The following TENM1 variants were observed in gnomAD, a reference collection of about 807,000 sequenced individuals.
The protein encoded by TENM1 is teneurin transmembrane protein 1, also known as teneurin-1.
Under a neutral mutation model 174.8 loss-of-function variants are expected in TENM1, and 35 were observed. That is an observed-to-expected ratio of 0.20 (90% CI 0.15 to 0.27). The LOEUF (loss-of-function observed/expected upper bound fraction) is 0.27, where lower values mean the gene tolerates loss of function less well. TENM1 is among the 10% of genes least tolerant of loss of function. TENM1 has a pLI of 1.00. For missense variants in TENM1, 1,633 were observed against 2,130.1 expected (o/e 0.77, Z 4.59); for synonymous variants, 781 against 798.7 (o/e 0.98, Z 0.37).
chrX:125,185,556 C>T, the TENM1 span, among the ~76,000 whole-genome samples: 5 of 112,480 alleles, frequency 4.4e-5, no homozygotes, highest in African/African-American at 6.5e-5. Context: ...ATACAACTGA[C>T]TATATCACCA....
At chrX:125,032,265 G>A in the TENM1 span, among the ~76,000 whole-genome samples, 1 of 109,684 alleles carries the variant, frequency 9.1e-6, no homozygotes, top group Admixed American at 9.8e-5. Flanking sequence ...TGCCTCCTGA[G>A]TTCAAGCTAT....
At chrX:125,112,019 A>G in the TENM1 span, among the ~76,000 whole-genome samples, 3 of 110,703 alleles carry the variant, frequency 2.7e-5, no homozygotes, top group African/African-American at 9.8e-5. Context: ...CTTTACCCCT[A>G]TTATGCAATT....
chrX:124,406,405 T>C, exon 26 of TENM1: 1 of 1,209,126 alleles, frequency 8.3e-7, no homozygotes. Context: ...GCTCCACTTT[T>C]GTCAGCTTCT....
intron 11 of TENM1, among the ~76,000 whole-genome samples, chrX:124,585,212 C>A (rs2049463960): frequency 9.0e-6 from 1 of 111,627 alleles, no homozygotes; most frequent in Non-Finnish European, 1.9e-5. Flanking sequence ...GAACTCTCCA[C>A]CCCAAATCAA....
intron 11 of TENM1, among the ~76,000 whole-genome samples, chrX:124,610,492 A>G (rs1281414552): frequency 8.9e-6 from 1 of 111,809 alleles, no homozygotes; most frequent in East Asian, 2.8e-4. Context: ...GTCTTTAACA[A>G]GTTTGCAAAG....
At chrX:124,641,259 A>G (rs780277182) in intron 11 of TENM1, among the ~76,000 whole-genome samples, 5 of 112,156 alleles carry the variant, frequency 4.5e-5, no homozygotes, top group African/African-American at 6.5e-5. Context: ...ATCATAGACT[A>G]GGACACTTGA....
At chrX:125,178,096 C>G in the TENM1 span, among the ~76,000 whole-genome samples, 1 of 111,143 alleles carries the variant, frequency 9.0e-6, no homozygotes, top group African/African-American at 3.3e-5. Context: ...CATAATCAGT[C>G]TCTAAGATGA....
At chrX:125,054,961 G>A in the TENM1 span, among the ~76,000 whole-genome samples, 12 of 111,762 alleles carry the variant, frequency 1.1e-4, no homozygotes, top group African/African-American at 2.9e-4. Flanking sequence ...CAGCATAAAA[G>A]TATGTTTGGT....
At chrX:125,157,076 T>TG in the TENM1 span, among the ~76,000 whole-genome samples, 5 of 112,430 alleles carry the variant, frequency 4.4e-5, no homozygotes, top group Admixed American at 9.4e-5. Context: ...TAGAATCACC[T>TG]GGGGGCCTTA....
chrX:124,665,163 C>A (rs1052813745), intron 6 of TENM1, among the ~76,000 whole-genome samples: 12 of 111,265 alleles, frequency 1.1e-4, no homozygotes, highest in Non-Finnish European at 1.5e-4. Flanking sequence ...CATGAAGAAA[C>A]CCTGTCTCCA....
chrX:124,757,274 C>A (rs1250235499), intron 3 of TENM1, among the ~76,000 whole-genome samples: 2 of 112,482 alleles, frequency 1.8e-5, no homozygotes, highest in Admixed American at 1.9e-4. Context: ...AGCGAGACTC[C>A]GTGGGCGTAG....
At chrX:124,601,891 T>C (rs947460567) in intron 11 of TENM1, among the ~76,000 whole-genome samples, 11 of 111,258 alleles carry the variant, frequency 9.9e-5, no homozygotes, top group Non-Finnish European at 2.1e-4. Flanking sequence ...TTTTCTACAT[T>C]CTTTCTTAAA....
chrX:124,501,140 C>G (rs1258992353), intron 19 of TENM1, among the ~76,000 whole-genome samples: 1 of 111,760 alleles, frequency 8.9e-6, no homozygotes, highest in African/African-American at 3.2e-5. Flanking sequence ...ATACACCAAA[C>G]AAATAGCTTA....
intron 16 of TENM1, among the ~76,000 whole-genome samples, chrX:124,529,591 T>C (rs1344097500): frequency 8.9e-6 from 1 of 112,133 alleles, no homozygotes; most frequent in African/African-American, 3.2e-5. Context: ...ATAATGTCAC[T>C]GATCTTTGAA....
chrX:125,096,407 A>G, the TENM1 span, among the ~76,000 whole-genome samples: 17 of 112,345 alleles, frequency 1.5e-4, no homozygotes, highest in East Asian at 3.6e-3. Context: ...AAAAAAACAC[A>G]TACTACAGTG....
At chrX:124,977,888 G>C in the TENM1 span, among the ~76,000 whole-genome samples, 201 of 106,287 alleles carry the variant, frequency 1.9e-3, no homozygotes, top group African/African-American at 6.6e-3. Context: ...CTCACATTAT[G>C]CATGTGTTGA....
At chrX:125,165,101 C>T in the TENM1 span, among the ~76,000 whole-genome samples, 8 of 112,023 alleles carry the variant, frequency 7.1e-5, no homozygotes, top group Non-Finnish European at 1.9e-5. Context: ...TTCTCCTTCA[C>T]ATTATCTAGA....
At chrX:124,464,324 A>C (rs2061217849) in intron 22 of TENM1, among the ~76,000 whole-genome samples, 1 of 112,197 alleles carries the variant, frequency 8.9e-6, no homozygotes, top group African/African-American at 3.2e-5. Context: ...AAAGCAAACT[A>C]AGTATACCTT....
Position 124,593,574 on chromosome X carries a change from C to T in TENM1, c.2078-28014G>A, listed in dbSNP as rs771883230. ...CTGCCTGGGCATGGGGCAGAGAGGGCCCTACTGGACCAAAATCTATGTCCA... is the reference window on the plus strand; with the variant it reads ...CTGCCTGGGCATGGGGCAGAGAGGGTCCTACTGGACCAAAATCTATGTCCA... On this transcript the variant is annotated intron_variant, in intron 11 of 31. Coordinates refer to ENST00000422452, the Ensembl canonical transcript of TENM1. Among the ~76,000 whole-genome samples the T allele has an allele frequency of 3.6e-5, 4 of 111,588 alleles. No individual in the cohort carries two copies. The Admixed American group carries it at 3.8e-4, about 11-fold the overall frequency.
Sources: allele counts gnomAD v4.1 joint callset (sites outside exome capture counted in the v4.1 genomes callset), GRCh38; gene constraint gnomAD v4.1.1; transcripts MANE v1.5; gene names NCBI Gene and HGNC (gene_info 2026-07-23, HGNC 2026-07-21).